FRMD4A: variants seen among roughly 807,000 people sequenced by gnomAD.
FRMD4A encodes the protein FERM domain-containing protein 4A.
In FRMD4A, 29 loss-of-function variants were observed where a neutral mutation model predicts 129.1. The observed-to-expected ratio is 0.22, with a 90% CI of 0.17 to 0.31. The LOEUF (loss-of-function observed/expected upper bound fraction) is 0.31. Ranked by LOEUF, FRMD4A falls within the 10% of genes least tolerant of loss-of-function variation. The pLI is 1.00. For missense variants in FRMD4A, 1,272 were observed against 1,375.8 expected, an observed-to-expected ratio of 0.92 and a Z score of 1.19; for synonymous variants, 634 against 571.6, an observed-to-expected ratio of 1.11 and a Z score of -1.56.
rs372455316 is a variant in FRMD4A at position 13,749,933 on chromosome 10, GACA to G, written c.465-2117_465-2115del. 3.7e-4 allele frequency among the ~76,000 whole-genome samples: 56 copies of G among 151,018 alleles called. No individual in the cohort carries two copies. The East Asian group carries it at 0.01, about 28-fold the overall frequency. ...TGCAACACCACACTCCAGCCTGGGT[GACA>G]GAGGGAGACCCTATCAAGAAAGAAA... is the stretch of plus-strand genomic sequence containing the variant. On this transcript the variant is annotated intron_variant, in intron 8 of 24. Coordinates refer to ENST00000357447, the MANE Select transcript of FRMD4A (RefSeq NM_018027.5).
At chr10:14,247,113 C>T (rs1319666509) in intron 2 of FRMD4A, among the ~76,000 whole-genome samples, 3 of 152,144 alleles carry the variant, frequency 2.0e-5, no homozygotes, top group East Asian at 1.9e-4. Context: ...TGGGTTGGAG[C>T]ATCACATAAA....
At chr10:13,672,042 C>A (rs1367835993) in intron 16 of FRMD4A, among the ~76,000 whole-genome samples, 1 of 152,240 alleles carries the variant, frequency 6.6e-6, no homozygotes, top group African/African-American at 2.4e-5. Flanking sequence ...CCTTCTTCTC[C>A]AACTGCTGTG....
intron 2 of FRMD4A, among the ~76,000 whole-genome samples, chr10:14,033,362 A>G (rs2131664443): frequency 6.6e-6 from 1 of 152,222 alleles, no homozygotes; most frequent in South Asian, 2.1e-4. Flanking sequence ...TTACATGGAT[A>G]TTATTAATAC....
chr10:13,652,961 C>T (rs1029418096), intron 23 of FRMD4A: 2 of 151,702 alleles, frequency 1.3e-5, no homozygotes, highest in Non-Finnish European at 2.9e-5. Context: ...TTTGGGGTCA[C>T]AGAGGGCAGA....
intron 2 of FRMD4A, among the ~76,000 whole-genome samples, chr10:14,240,929 AAT>A (rs1218572826): frequency 4.5e-5 from 6 of 133,848 alleles, no homozygotes; most frequent in South Asian, 2.5e-4. Flanking sequence ...AAAAAAAAAA[AAT>A]TCCGGGCAAT....
At chr10:14,037,759 A>G (rs1332089440) in intron 2 of FRMD4A, among the ~76,000 whole-genome samples, 4 of 152,184 alleles carry the variant, frequency 2.6e-5, no homozygotes, top group African/African-American at 9.6e-5. Flanking sequence ...CTCTTATGTT[A>G]CAGTGAGGGT....
At chr10:13,832,133 A>G (rs1166312266) in intron 3 of FRMD4A, among the ~76,000 whole-genome samples, 1 of 151,338 alleles carries the variant, frequency 6.6e-6, no homozygotes, top group Non-Finnish European at 1.5e-5. Context: ...TTACACCAAG[A>G]GAACCGAGTT....
At chr10:13,867,319 C>T (rs962341482) in intron 2 of FRMD4A, among the ~76,000 whole-genome samples, 2 of 151,932 alleles carry the variant, frequency 1.3e-5, no homozygotes, top group Non-Finnish European at 2.9e-5. Context: ...AGTTCAGTGG[C>T]ATGATCACAG....
intron 2 of FRMD4A, among the ~76,000 whole-genome samples, chr10:14,269,851 C>G (rs1284803387): frequency 6.6e-6 from 1 of 152,154 alleles, no homozygotes; most frequent in Non-Finnish European, 1.5e-5. Flanking sequence ...TTCAGCAGGA[C>G]CGAACCAGCC....
intron 12 of FRMD4A, among the ~76,000 whole-genome samples, chr10:13,729,021 T>C (rs2090128965): frequency 6.6e-6 from 1 of 152,226 alleles, no homozygotes; most frequent in African/African-American, 2.4e-5. Context: ...CTTTTGTCCT[T>C]GGAGAGTTAT....
At chr10:14,092,950 A>G (rs536337634) in intron 2 of FRMD4A, among the ~76,000 whole-genome samples, 41 of 152,300 alleles carry the variant, frequency 2.7e-4, no homozygotes, top group Non-Finnish European at 5.6e-4. Flanking sequence ...AGTCATGAGG[A>G]CTGAAGTGTA....
intron 2 of FRMD4A, among the ~76,000 whole-genome samples, chr10:14,263,841 G>T (rs1190862372): frequency 6.6e-6 from 1 of 152,208 alleles, no homozygotes; most frequent in African/African-American, 2.4e-5. Flanking sequence ...AGGCATTCCA[G>T]CAGCCAGGTC....
intron 2 of FRMD4A, among the ~76,000 whole-genome samples, chr10:14,098,430 G>T (rs550418227): frequency 1.3e-5 from 2 of 150,634 alleles, no homozygotes; most frequent in East Asian, 3.9e-4. Context: ...TTGAAACAGA[G>T]TCTCGCTCTG....
intron 2 of FRMD4A, among the ~76,000 whole-genome samples, chr10:13,962,290 G>C (rs537820609): frequency 1.3e-5 from 2 of 152,132 alleles, no homozygotes; most frequent in Non-Finnish European, 2.9e-5. Flanking sequence ...TCTGAGCCTC[G>C]TTATGATACC....
At chr10:13,794,897 G>A (rs921695566) in intron 5 of FRMD4A, among the ~76,000 whole-genome samples, 2 of 152,152 alleles carry the variant, frequency 1.3e-5, no homozygotes, top group Admixed American at 1.3e-4. Context: ...TAGGTTACCT[G>A]CTTTTATGCA....
intron 2 of FRMD4A, among the ~76,000 whole-genome samples, chr10:14,011,090 A>G (rs2095680624): frequency 6.6e-6 from 1 of 152,168 alleles, no homozygotes; most frequent in South Asian, 2.1e-4. Context: ...TAGGATGAAA[A>G]CCAAAGTCAA....
At chr10:14,203,687 A>T (rs1327541735) in intron 2 of FRMD4A, among the ~76,000 whole-genome samples, 1 of 152,194 alleles carries the variant, frequency 6.6e-6, no homozygotes, top group Non-Finnish European at 1.5e-5. Context: ...GCTGTGTCCC[A>T]TCATCATTAG....
At chr10:13,692,479 A>G (rs10752321) in intron 15 of FRMD4A, 123,426 of 152,144 alleles carry the variant, frequency 0.81, 52,060 homozygotes, top group Non-Finnish European at 0.92. Flanking sequence ...AATACAAAAC[A>G]TATTATGTTC....
chr10:14,185,328 AT>A (rs1266429243), intron 2 of FRMD4A, among the ~76,000 whole-genome samples: 2 of 152,170 alleles, frequency 1.3e-5, no homozygotes, highest in Non-Finnish European at 2.9e-5. Context: ...TCATTTTTTC[AT>A]TTAGTTCTAG....
Sources: allele counts gnomAD v4.1 joint callset (sites outside exome capture counted in the v4.1 genomes callset), GRCh38; gene constraint gnomAD v4.1.1; transcripts MANE v1.5; gene names NCBI Gene and HGNC (gene_info 2026-07-23, HGNC 2026-07-21).